The following DIS3L2 variants were observed in gnomAD, a reference collection of about 807,000 sequenced individuals.
The protein encoded by DIS3L2 is DIS3 like 3'-5' exoribonuclease 2.
DIS3L2 carries 34 observed loss-of-function variants against 97.5 expected under a neutral mutation model. The observed-to-expected ratio is 0.35, with a 90% CI of 0.27 to 0.46. DIS3L2 has a LOEUF of 0.46. Ranked by LOEUF, DIS3L2 falls within the 20% of genes least tolerant of loss-of-function variation. The pLI is 1.00. For synonymous variants in DIS3L2, 435 were observed against 445.2 expected (o/e 0.98, Z 0.29); for missense variants, 1,038 against 1,146.0 (o/e 0.91, Z 1.36).
At chr2:232,305,758 C>A (rs1387435419) in intron 14 of DIS3L2, among the ~76,000 whole-genome samples, 3 of 152,158 alleles carry the variant, frequency 2.0e-5, no homozygotes, top group Non-Finnish European at 4.4e-5. Context: ...AGTTCGAGAC[C>A]AGCCTGGCCA....
intron 5 of DIS3L2, among the ~76,000 whole-genome samples, chr2:232,074,506 G>A (rs955190971): frequency 1.3e-5 from 2 of 150,658 alleles, no homozygotes; most frequent in Non-Finnish European, 2.9e-5. Context: ...ATGTAATGTG[G>A]TTTACTGTCT....
intron 12 of DIS3L2, 22 bp from the exon 13 acceptor site, chr2:232,263,185 T>A (rs1693759431): frequency 6.2e-7 from 1 of 1,611,408 alleles, no homozygotes; most frequent in Non-Finnish European, 8.5e-7. Context: ...ACAATTCCCT[T>A]GTAATCTGTC....
At chr2:232,176,053 C>T (rs774721654) in intron 9 of DIS3L2, among the ~76,000 whole-genome samples, 6 of 152,092 alleles carry the variant, frequency 3.9e-5, no homozygotes, top group Non-Finnish European at 7.4e-5. Flanking sequence ...CCACATCTGG[C>T]TAGTTTTTTA....
chr2:232,221,258 G>A (rs1207470889), intron 10 of DIS3L2, among the ~76,000 whole-genome samples: 7 of 152,166 alleles, frequency 4.6e-5, no homozygotes, highest in Admixed American at 3.9e-4. Context: ...TAGATTTTAA[G>A]CATCGTTTTT....
chr2:232,036,490 G>T (rs1365382610), intron 5 of DIS3L2, among the ~76,000 whole-genome samples: 1 of 152,150 alleles, frequency 6.6e-6, no homozygotes, highest in East Asian at 1.9e-4. Context: ...GGAGGAGTTT[G>T]TTATTACCCA....
At chr2:231,985,322 A>G (rs1693380180) in intron 1 of DIS3L2, among the ~76,000 whole-genome samples, 1 of 152,238 alleles carries the variant, frequency 6.6e-6, no homozygotes, top group Non-Finnish European at 1.5e-5. Flanking sequence ...TATAAACAGA[A>G]TCATATAGTA....
chr2:231,969,030 G>A (rs1252314241), intron 1 of DIS3L2, among the ~76,000 whole-genome samples: 1 of 152,022 alleles, frequency 6.6e-6, no homozygotes, highest in Non-Finnish European at 1.5e-5. Flanking sequence ...GCCTGCCGCC[G>A]CCGTGTAAGA....
At chr2:231,972,177 C>T (rs1023681889) in intron 1 of DIS3L2, among the ~76,000 whole-genome samples, 11 of 150,482 alleles carry the variant, frequency 7.3e-5, no homozygotes, top group East Asian at 2.0e-4. Context: ...GAGCGAGACT[C>T]GGTCTCAAAA....
At chr2:232,300,777 C>T (rs544039045) in intron 14 of DIS3L2, among the ~76,000 whole-genome samples, 61 of 151,874 alleles carry the variant, frequency 4.0e-4, no homozygotes, top group South Asian at 1.2e-3. Context: ...ACCTGTTTCC[C>T]GAGTACCTGG....
chr2:232,181,789 A>G (rs1049754540), intron 9 of DIS3L2, among the ~76,000 whole-genome samples: 5 of 151,694 alleles, frequency 3.3e-5, no homozygotes, highest in African/African-American at 1.2e-4. Context: ...GGCGTGCATC[A>G]TCACACCCAG....
At chr2:232,342,385 G>A (rs1221093878) in intron 13 of DIS3L2, among the ~76,000 whole-genome samples, 1 of 151,844 alleles carries the variant, frequency 6.6e-6, no homozygotes, top group Admixed American at 6.6e-5. Context: ...AAAACACCAA[G>A]AGAGAGGAAA....
intron 9 of DIS3L2, among the ~76,000 whole-genome samples, chr2:232,208,974 G>C (rs534896065): frequency 2.6e-4 from 39 of 151,482 alleles, no homozygotes; most frequent in Non-Finnish European, 4.9e-4. Context: ...GCTGCAGTGA[G>C]CCATACAAAA....
chr2:232,139,071 C>T (rs534406437), intron 8 of DIS3L2, among the ~76,000 whole-genome samples: 1 of 152,118 alleles, frequency 6.6e-6, no homozygotes, highest in South Asian at 2.1e-4. Context: ...TATATCATAG[C>T]GATAATTTGA....
chr2:232,336,431 C>G (rs756629038), intron 20 of DIS3L2, 38 bp from the exon 21 acceptor site: 1 of 1,593,066 alleles, frequency 6.3e-7, no homozygotes, highest in South Asian at 1.1e-5. Flanking sequence ...ACATCAGGCC[C>G]TGCCATCCTT....
intron 6 of DIS3L2, among the ~76,000 whole-genome samples, chr2:232,092,530 G>C (rs565473276): frequency 6.6e-6 from 1 of 152,168 alleles, no homozygotes; most frequent in African/African-American, 2.4e-5. Context: ...TCCCAGCCAT[G>C]AATGTGAAAT....
intron 16 of DIS3L2, 84 bp from the exon 17 acceptor site, chr2:232,333,756 G>GACT: frequency 1.2e-5 from 18 of 1,487,144 alleles, no homozygotes; most frequent in Admixed American, 6.8e-5. Context: ...CGCTGCCGAC[G>GACT]GTGAGGCTGT....
At chr2:231,964,920 G>A (rs961493718) in intron 1 of DIS3L2, among the ~76,000 whole-genome samples, 1 of 152,200 alleles carries the variant, frequency 6.6e-6, no homozygotes, top group Non-Finnish European at 1.5e-5. Flanking sequence ...GATATAATTT[G>A]TATTTGTATT....
At chr2:232,141,655 G>A (rs1042278144) in intron 8 of DIS3L2, among the ~76,000 whole-genome samples, 1 of 152,156 alleles carries the variant, frequency 6.6e-6, no homozygotes, top group Non-Finnish European at 1.5e-5. Context: ...ACGGAGTGAG[G>A]TGAAAGCAGA....
chr2:232,138,523 C>T (rs1035643932), intron 8 of DIS3L2, among the ~76,000 whole-genome samples: 12 of 151,906 alleles, frequency 7.9e-5, no homozygotes, highest in African/African-American at 2.9e-4. Flanking sequence ...TGATGAATTT[C>T]TCAAATGACG....
Sources: allele counts gnomAD v4.1 joint callset (sites outside exome capture counted in the v4.1 genomes callset), GRCh38; gene constraint gnomAD v4.1.1; transcripts MANE v1.5; gene names NCBI Gene and HGNC (gene_info 2026-07-23, HGNC 2026-07-21).